The following ZNF91 variants were observed in gnomAD, a reference collection of about 807,000 sequenced individuals.
The protein encoded by ZNF91 is zinc finger protein 91.
ZNF91 carries 7 observed loss-of-function variants against 12.6 expected under a neutral mutation model. That is an observed-to-expected ratio of 0.55 (90% CI 0.31 to 1.04). The LOEUF is 1.04. Ranked by LOEUF, ZNF91 falls within the 50% of genes least tolerant of loss-of-function variation. ZNF91 has a pLI of 0.05. For synonymous variants in ZNF91, 453 were observed against 462.6 expected (o/e 0.98, Z 0.27); for missense variants, 1,217 against 1,385.4 (o/e 0.88, Z 1.93).
chr19:23,317,043 T>C (rs1271264800), intron 1 of ZNF91, among the ~76,000 whole-genome samples: 4 of 151,958 alleles, frequency 2.6e-5, no homozygotes, highest in Non-Finnish European at 5.9e-5. Flanking sequence ...ACTCATTTCT[T>C]TTCTTTTCTT....
chr19:23,375,417 CCAAAGTGCTGGGATTACAGG>C (rs1191048095), intron 1 of ZNF91, among the ~76,000 whole-genome samples: 17 of 152,104 alleles, frequency 1.1e-4, no homozygotes, highest in Non-Finnish European at 2.4e-4. Flanking sequence ...CCTCGGCCTC[CCAAAGTGCTGGGATTACAGG>C]CATGAGCCAC....
chr19:23,369,766 C>T (rs1969193847), intron 3 of ZNF91, among the ~76,000 whole-genome samples: 2 of 151,202 alleles, frequency 1.3e-5, no homozygotes, highest in Admixed American at 6.6e-5. Flanking sequence ...GGATTAAGGG[C>T]GGTGCAAGAT....
intron 1 of ZNF91, among the ~76,000 whole-genome samples, chr19:23,322,689 TTTC>T (rs916363721): frequency 6.6e-6 from 1 of 150,796 alleles, no homozygotes; most frequent in Non-Finnish European, 1.5e-5. Flanking sequence ...CTCCATTCCT[TTTC>T]GTCTTCTCCT....
Position 23,349,032 on chromosome 19 carries a change from G to C in ZNF91, c.254-9978C>G, listed in dbSNP as rs146421785. On this transcript the variant is annotated intron_variant, in intron 3 of 3. Coordinates refer to the ZNF91 transcript ENST00000599743. ...GGAAATTCCAGCCTAGTGAATTCTA[G>C]TCAGACCAGTTCTCTGCTCTTGAAC... Among the ~76,000 whole-genome samples, 75 of 152,198 alleles carry C rather than the reference G, an allele frequency of 4.9e-4. No individual in the cohort carries two copies. In the South Asian group the frequency reaches 0.011, roughly 23 times the overall value.
intron 3 of ZNF91, among the ~76,000 whole-genome samples, chr19:23,372,116 C>A (rs1969303158): frequency 6.6e-6 from 1 of 151,994 alleles, no homozygotes; most frequent in Non-Finnish European, 1.5e-5. Flanking sequence ...TCACACACAA[C>A]ATGTACATTC....
At chr19:23,347,951 G>A (rs1968271329) in intron 3 of ZNF91, among the ~76,000 whole-genome samples, 1 of 152,172 alleles carries the variant, frequency 6.6e-6, no homozygotes, top group East Asian at 1.9e-4. Flanking sequence ...AAGTGCAAAT[G>A]TCATCACACA....
Position 23,361,911 on chromosome 19 carries a change from G to A in ZNF91, c.1068C>T (p.Gly356=). ...GGGTTGAGGAATTGCTAAAAGCTTTGCCACATTCTTTACATTTGTAGGGTT... is the reference window on the plus strand; with the variant it reads ...GGGTTGAGGAATTGCTAAAAGCTTTACCACATTCTTTACATTTGTAGGGTT... ...GEKPYKCKEC[G]KAFSNSSTLA... is the part of the protein sequence containing the mutation. Residue 356 remains glycine, a synonymous_variant, in exon 4 of 4, where the codon GGC becomes GGT. Transcript: ENST00000300619. 1 of 1,611,162 alleles carries A rather than the reference G, an allele frequency of 6.2e-7. No homozygotes were observed. The highest frequency in any genetic ancestry group is 8.5e-7 in the Non-Finnish European group (1 of 1,178,386).
intron 1 of ZNF91, among the ~76,000 whole-genome samples, chr19:23,393,728 G>A (rs1970142683): frequency 1.3e-5 from 2 of 152,256 alleles, no homozygotes; most frequent in Admixed American, 6.5e-5. Context: ...GGCCAGATGC[G>A]GTGGCTCACG....
chr19:23,384,759 G>A, intron 1 of ZNF91: 1 of 630,924 alleles, frequency 1.6e-6, no homozygotes. Flanking sequence ...ACCTGGGTCA[G>A]CTCCCCGGGC....
chr19:23,333,159 C>T (rs1237503090), intron 1 of ZNF91, among the ~76,000 whole-genome samples: 1 of 152,178 alleles, frequency 6.6e-6, no homozygotes, highest in Non-Finnish European at 1.5e-5. Flanking sequence ...TATTCAAGGA[C>T]CCATATGAAA....
chr19:23,332,558 A>G (rs571615813), intron 1 of ZNF91, among the ~76,000 whole-genome samples: 1 of 152,256 alleles, frequency 6.6e-6, no homozygotes, highest in South Asian at 2.1e-4. Context: ...AACAAATACT[A>G]ACTGAAAATC....
chr19:23,336,301 C>T (rs1181414926), downstream of ZNF91, among the ~76,000 whole-genome samples: 1 of 152,176 alleles, frequency 6.6e-6, no homozygotes, highest in Non-Finnish European at 1.5e-5. Flanking sequence ...GAGAATAGCT[C>T]TCTCTCCTGA....
chr19:23,357,925 C>T lies in ZNF91; in HGVS notation c.*1478G>A, dbSNP rs887583920. The T allele has an allele frequency of 8.6e-5, 13 of 151,964 alleles. No individual in the cohort carries two copies. Among genetic ancestry groups the T allele is most frequent in the Admixed American group, 8.5e-4 (13 of 15,246 alleles). 9.4% of individuals were successfully genotyped at this position (151,964 alleles called of 1,614,324 possible). On this transcript the variant is annotated 3_prime_UTR_variant, in exon 4 of 4. Transcript: ENST00000300619. The stretch of plus-strand genomic sequence containing the variant: ...TGCCACATATGGCATAATATGTACA[C>T]ATATTAGGTATCCACAAAAATTAAG...
chr19:23,312,267 T>C (rs1022768540), upstream of ZNF91, among the ~76,000 whole-genome samples: 1 of 152,118 alleles, frequency 6.6e-6, no homozygotes, highest in Non-Finnish European at 1.5e-5. Context: ...CCTTACCCAA[T>C]TGTGGGACTG....
At chr19:23,393,498 C>T (rs1300435669) in intron 1 of ZNF91, among the ~76,000 whole-genome samples, 2 of 152,050 alleles carry the variant, frequency 1.3e-5, no homozygotes, top group Non-Finnish European at 2.9e-5. Flanking sequence ...TGACTGAAGA[C>T]ACATCACCCT....
intron 3 of ZNF91, chr19:23,340,150 A>C (rs1327477903): frequency 1.3e-5 from 2 of 152,114 alleles, no homozygotes; most frequent in Admixed American, 1.3e-4. Context: ...AATTAATAAC[A>C]AATCAAATCC....
intron 1 of ZNF91, among the ~76,000 whole-genome samples, chr19:23,383,114 C>G (rs1969773396): frequency 6.6e-6 from 1 of 152,062 alleles, no homozygotes; most frequent in Admixed American, 6.5e-5. Context: ...TGACAAAATC[C>G]AGCAGCATAT....
At chr19:23,368,241 G>A (rs1969096560) in intron 3 of ZNF91, among the ~76,000 whole-genome samples, 1 of 152,066 alleles carries the variant, frequency 6.6e-6, no homozygotes, top group African/African-American at 2.4e-5. Context: ...GCAGGGCACT[G>A]TGGCTCATGC....
At chr19:23,390,613 C>T (rs1297823459) in intron 1 of ZNF91, among the ~76,000 whole-genome samples, 1 of 152,220 alleles carries the variant, frequency 6.6e-6, no homozygotes, top group Non-Finnish European at 1.5e-5. Flanking sequence ...CCACCTTGGC[C>T]TCCCAAAGTT....
Sources: gnomAD v4.1 joint callset for allele counts (sites outside exome capture counted in the v4.1 genomes callset) on GRCh38, gnomAD v4.1.1 for gene constraint, MANE v1.5 for transcripts, NCBI Gene and HGNC (gene_info 2026-07-23, HGNC 2026-07-21) for gene names.